ELAVL4: variants seen among roughly 807,000 people sequenced by gnomAD.
ELAVL4 encodes ELAV-like protein 4.
ELAVL4 carries 1 observed loss-of-function variant against 35.6 expected under a neutral mutation model. The observed-to-expected ratio is 0.03, with a 90% CI of 0.01 to 0.13. The LOEUF (loss-of-function observed/expected upper bound fraction) is 0.13, where lower values mean the gene tolerates loss of function less well. Ranked by LOEUF, ELAVL4 falls within the 10% of genes least tolerant of loss-of-function variation. The pLI is 1.00. For synonymous variants in ELAVL4, 156 were observed against 171.0 expected, an observed-to-expected ratio of 0.91 and a Z score of 0.69; for missense variants, 267 against 464.9, an observed-to-expected ratio of 0.57 and a Z score of 3.91.
intron 2 of ELAVL4, among the ~76,000 whole-genome samples, chr1:50,153,447 G>A (rs951392210): frequency 2.0e-5 from 3 of 152,202 alleles, no homozygotes; most frequent in Non-Finnish European, 2.9e-5. Context: ...GGTGAGTGGG[G>A]TTAGGGCATC....
chr1:50,159,954 C>T (rs1451974477), intron 2 of ELAVL4, among the ~76,000 whole-genome samples: 2 of 152,086 alleles, frequency 1.3e-5, no homozygotes, highest in Non-Finnish European at 2.9e-5. Flanking sequence ...GAAAATGATG[C>T]CATATGGATC....
At chr1:50,130,979 C>A (rs1670752892) in intron 1 of ELAVL4, among the ~76,000 whole-genome samples, 1 of 152,040 alleles carries the variant, frequency 6.6e-6, no homozygotes, top group Non-Finnish European at 1.5e-5. Flanking sequence ...TAACATTTTA[C>A]TTTTTAAAAA....
At chr1:50,140,230 T>C (rs989478326) in intron 1 of ELAVL4, among the ~76,000 whole-genome samples, 4 of 152,338 alleles carry the variant, frequency 2.6e-5, no homozygotes, top group East Asian at 1.9e-4. Flanking sequence ...TTCATTAAAG[T>C]ACATATGCAC....
intron 1 of ELAVL4, among the ~76,000 whole-genome samples, chr1:50,088,883 G>C (rs1180544047): frequency 6.6e-6 from 1 of 151,380 alleles, no homozygotes; most frequent in African/African-American, 2.4e-5. Flanking sequence ...AAGCCTTAGT[G>C]ACTGCCAGGG....
intron 2 of ELAVL4, among the ~76,000 whole-genome samples, chr1:50,159,032 T>A (rs1369868349): frequency 7.7e-6 from 1 of 129,818 alleles, no homozygotes; most frequent in Non-Finnish European, 1.6e-5. Context: ...AGAGCAAGAC[T>A]CCTTCTCAAA....
At chr1:50,048,106 C>T (rs1663162144) in exon 1 of ELAVL4, 9 of 1,460,488 alleles carry the variant, frequency 6.2e-6, no homozygotes, top group Non-Finnish European at 8.1e-6. Flanking sequence ...TCTTCCCGCC[C>T]GCCGCGCTCC....
chr1:50,058,288 T>C (rs552110076), intron 1 of ELAVL4, among the ~76,000 whole-genome samples: 1 of 152,212 alleles, frequency 6.6e-6, no homozygotes, highest in Non-Finnish European at 1.5e-5. Flanking sequence ...TAACCAGTAC[T>C]GTAAACACTG....
chr1:50,166,587 T>A (rs1050183402), intron 2 of ELAVL4, among the ~76,000 whole-genome samples: 1 of 152,170 alleles, frequency 6.6e-6, no homozygotes, highest in East Asian at 1.9e-4. Context: ...CAGGTCATGG[T>A]TTTTTTCCTG....
At chr1:50,128,308 G>T (rs1227666819) in intron 1 of ELAVL4, among the ~76,000 whole-genome samples, 1 of 152,130 alleles carries the variant, frequency 6.6e-6, no homozygotes, top group African/African-American at 2.4e-5. Context: ...TTAAAAGAAT[G>T]AATTCACTCT....
chr1:50,128,789 G>T (rs533169548), intron 1 of ELAVL4, among the ~76,000 whole-genome samples: 1 of 152,114 alleles, frequency 6.6e-6, no homozygotes, highest in African/African-American at 2.4e-5. Context: ...CCTACAGAAG[G>T]CTGTGGCCTG....
At chr1:50,073,683 A>T (rs1664633964) in intron 1 of ELAVL4, among the ~76,000 whole-genome samples, 1 of 152,170 alleles carries the variant, frequency 6.6e-6, no homozygotes, top group South Asian at 2.1e-4. Flanking sequence ...TACACACGAA[A>T]CATTAACATG....
upstream of ELAVL4, among the ~76,000 whole-genome samples, chr1:50,101,298 C>T (rs1015228111): frequency 3.3e-5 from 5 of 152,058 alleles, no homozygotes; most frequent in African/African-American, 7.2e-5. Flanking sequence ...AGAGGAAAAA[C>T]GGGTAGGGTT....
intron 1 of ELAVL4, 137 bp from the exon 2 acceptor site, chr1:50,144,820 G>A: frequency 7.6e-7 from 1 of 1,321,830 alleles, no homozygotes; most frequent in Non-Finnish European, 1.1e-6. Context: ...TAAATTGGCT[G>A]TGTTCACAAC....
chr1:50,091,546 C>T (rs149466816), intron 1 of ELAVL4, among the ~76,000 whole-genome samples: 1 of 152,216 alleles, frequency 6.6e-6, no homozygotes, highest in Non-Finnish European at 1.5e-5. Context: ...CTCTTCCTCA[C>T]GTCTAGCAAG....
chr1:50,187,122 C>G (rs1289867212), intron 3 of ELAVL4, among the ~76,000 whole-genome samples: 6 of 152,166 alleles, frequency 3.9e-5, no homozygotes, highest in Admixed American at 3.9e-4. Context: ...AGGGACTTGT[C>G]TGCTCTGGGG....
chr1:50,119,347 T>C (rs1278818770), intron 1 of ELAVL4, among the ~76,000 whole-genome samples: 1 of 152,036 alleles, frequency 6.6e-6, no homozygotes, highest in African/African-American at 2.4e-5. Flanking sequence ...AAGATGTTTG[T>C]CCATATTTTA....
chr1:50,093,297 C>CTTT (rs766573882), intron 1 of ELAVL4, among the ~76,000 whole-genome samples: 5 of 152,132 alleles, frequency 3.3e-5, no homozygotes, highest in Admixed American at 6.5e-5. Flanking sequence ...TCTTTCTTTT[C>CTTT]TTTTATTATT....
At chr1:50,065,919 G>A (rs1481208501) in intron 1 of ELAVL4, among the ~76,000 whole-genome samples, 1 of 152,128 alleles carries the variant, frequency 6.6e-6, no homozygotes, top group Non-Finnish European at 1.5e-5. Context: ...GAGAACCAGG[G>A]CTTGTTCATA....
At chr1:50,082,424 T>C (rs1055623143) in intron 1 of ELAVL4, among the ~76,000 whole-genome samples, 4 of 152,258 alleles carry the variant, frequency 2.6e-5, no homozygotes, top group Non-Finnish European at 5.9e-5. Context: ...ATTTCTCTAA[T>C]GACCAGTGAT....
Sources: gnomAD v4.1 joint callset for allele counts (sites outside exome capture counted in the v4.1 genomes callset) on GRCh38, gnomAD v4.1.1 for gene constraint, MANE v1.5 for transcripts, NCBI Gene and HGNC (gene_info 2026-07-23, HGNC 2026-07-21) for gene names.